NCKAP5: variants seen among roughly 807,000 people sequenced by gnomAD.
The protein encoded by NCKAP5 is nck-associated protein 5.
In NCKAP5, 92 loss-of-function variants were observed where a neutral mutation model predicts 167.0. The ratio of observed to expected loss-of-function variants is 0.55; its 90% CI spans 0.47 to 0.66. NCKAP5 has a LOEUF of 0.66. NCKAP5 is among the 30% of genes least tolerant of loss of function. The pLI is 0.00. For missense variants in NCKAP5, 2,378 were observed against 2,315.0 expected, an observed-to-expected ratio of 1.03 and a Z score of -0.56; for synonymous variants, 891 against 877.4, an observed-to-expected ratio of 1.02 and a Z score of -0.27.
At chr2:132,953,625 G>A (rs957136844) in intron 8 of NCKAP5, among the ~76,000 whole-genome samples, 2 of 151,860 alleles carry the variant, frequency 1.3e-5, no homozygotes, top group Admixed American at 1.3e-4. Context: ...AGAGGAAGGT[G>A]TGCTAGAGAG....
At chr2:133,255,000 T>A (rs1458601006) in intron 4 of NCKAP5, among the ~76,000 whole-genome samples, 5 of 152,092 alleles carry the variant, frequency 3.3e-5, no homozygotes, top group Non-Finnish European at 7.4e-5. Flanking sequence ...TCATTAGCTG[T>A]GTGAAACTGA....
intron 6 of NCKAP5, among the ~76,000 whole-genome samples, chr2:133,066,339 GTCT>G (rs745688711): frequency 1.3e-5 from 2 of 152,054 alleles, no homozygotes; most frequent in East Asian, 1.9e-4. Context: ...TCTAAAACCC[GTCT>G]TCTTTTTTAC....
chr2:133,426,564 A>T (rs561281757), intron 3 of NCKAP5, among the ~76,000 whole-genome samples: 1 of 152,182 alleles, frequency 6.6e-6, no homozygotes, highest in African/African-American at 2.4e-5. Context: ...TCTCTGATGA[A>T]CATGGATGTA....
At chr2:133,339,360 C>T (rs1683424983) in intron 3 of NCKAP5, among the ~76,000 whole-genome samples, 1 of 152,174 alleles carries the variant, frequency 6.6e-6, no homozygotes, top group Admixed American at 6.5e-5. Context: ...AACAGGTCCC[C>T]TGGGCTGTGA....
At chr2:133,271,903 A>G (rs747056358) in intron 4 of NCKAP5, among the ~76,000 whole-genome samples, 19 of 152,192 alleles carry the variant, frequency 1.2e-4, no homozygotes, top group Non-Finnish European at 2.1e-4. Context: ...TCTAACACAC[A>G]TTTTGGAAAA....
chr2:132,966,950 A>G (rs2076687432), intron 7 of NCKAP5, among the ~76,000 whole-genome samples: 1 of 152,190 alleles, frequency 6.6e-6, no homozygotes, highest in Non-Finnish European at 1.5e-5. Context: ...ATTGCATGAA[A>G]GCTAAAACAA....
chr2:133,615,682 AC>A, the NCKAP5 span, among the ~76,000 whole-genome samples: 2 of 152,058 alleles, frequency 1.3e-5, no homozygotes, highest in East Asian at 1.9e-4. Context: ...AGAGACTTAG[AC>A]CCCCACACAT....
intron 11 of NCKAP5, among the ~76,000 whole-genome samples, chr2:132,827,181 G>T (rs1437698093): frequency 1.3e-5 from 2 of 152,086 alleles, no homozygotes; most frequent in African/African-American, 4.8e-5. Context: ...TGTATGACAG[G>T]CCTGACCTCA....
At chr2:132,794,238 A>ATG (rs1558787536) in intron 12 of NCKAP5, among the ~76,000 whole-genome samples, 1 of 51,768 alleles carries the variant, frequency 1.9e-5, no homozygotes, top group East Asian at 5.3e-4. Flanking sequence ...ATATATATAT[A>ATG]TATATATATA....
At position 133,517,519 on chromosome 2, in the gene NCKAP5, C is replaced by A; in HGVS notation, c.8G>T (p.Gly3Val). MEGKRQLEKRDFG... is the reference protein window; with the variant it reads MEVKRQLEKRDFG... ...GTCCCTTTTCTCAAGCTGTCTCTTT[C>A]CCTCCATGGATGAAGTTATTTATTT... is the stretch of plus-strand genomic sequence containing the variant. The change falls in exon 3 of 20, where the codon GGA becomes GTA. Residue 3 changes from glycine (G) to valine (V), a missense_variant. Gly to Val is a moderately radical substitution (Grantham distance 109, BLOSUM62 -3). This residue lies in a region of NCKAP5 where 1,049 missense variants were observed against 1,023.4 expected (regional missense o/e 1.02). Transcript: ENST00000409261. 2 of 1,534,180 alleles carry A rather than the reference C, an allele frequency of 1.3e-6. No individual in the cohort carries two copies. Among genetic ancestry groups the A allele is most frequent in the Middle Eastern group, 1.7e-4 (1 of 5,896 alleles).
At chr2:133,610,509 ATTAG>A in the NCKAP5 span, among the ~76,000 whole-genome samples, 2 of 152,200 alleles carry the variant, frequency 1.3e-5, no homozygotes, top group Non-Finnish European at 2.9e-5. Context: ...GAACATAACA[ATTAG>A]TAGCCTAAGA....
At chr2:133,256,703 C>T (rs899166698) in intron 4 of NCKAP5, among the ~76,000 whole-genome samples, 10 of 152,142 alleles carry the variant, frequency 6.6e-5, no homozygotes, top group Non-Finnish European at 1.5e-4. Flanking sequence ...TTGGTTGTCA[C>T]TCTACAATTA....
intron 3 of NCKAP5, among the ~76,000 whole-genome samples, chr2:133,359,911 AC>A (rs1684984473): frequency 1.3e-5 from 2 of 152,192 alleles, no homozygotes; most frequent in Admixed American, 1.3e-4. Context: ...AATTATACAG[AC>A]TTTTTGGAGG....
At chr2:133,555,644 T>C (rs1435386847) in intron 2 of NCKAP5, among the ~76,000 whole-genome samples, 1 of 152,224 alleles carries the variant, frequency 6.6e-6, no homozygotes. Flanking sequence ...TTGAGTAAAT[T>C]AAAATACCAC....
chr2:133,270,912 A>ATTTTTTT (rs1255134862), intron 4 of NCKAP5, among the ~76,000 whole-genome samples: 20 of 128,988 alleles, frequency 1.6e-4, no homozygotes, highest in African/African-American at 5.6e-4. Context: ...GTTGCTTCAA[A>ATTTTTTT]TTTTTTTTTT....
intron 3 of NCKAP5, among the ~76,000 whole-genome samples, chr2:133,361,261 G>C (rs1685085621): frequency 6.6e-6 from 1 of 152,156 alleles, no homozygotes; most frequent in African/African-American, 2.4e-5. Context: ...CGCCTAAGTA[G>C]CCATGTCCAG....
intron 6 of NCKAP5, among the ~76,000 whole-genome samples, chr2:133,073,732 T>C (rs2080501498): frequency 6.6e-6 from 1 of 152,120 alleles, no homozygotes; most frequent in Non-Finnish European, 1.5e-5. Flanking sequence ...TTTCAACAGC[T>C]CTCGAGTGTG....
chr2:132,791,790 A>G (rs559038320), intron 12 of NCKAP5, among the ~76,000 whole-genome samples: 1 of 152,366 alleles, frequency 6.6e-6, no homozygotes, highest in Non-Finnish European at 1.5e-5. Context: ...ATGATCCTAC[A>G]GTACTTGTGG....
At chr2:132,747,890 T>C (rs927795977) in intron 16 of NCKAP5, among the ~76,000 whole-genome samples, 4 of 152,240 alleles carry the variant, frequency 2.6e-5, no homozygotes, top group Non-Finnish European at 5.9e-5. Context: ...GATTGGGGCC[T>C]GTGCAAACCT....
Sources: gnomAD v4.1 joint callset for allele counts (sites outside exome capture counted in the v4.1 genomes callset) on GRCh38, gnomAD v4.1.1 for gene constraint, gnomAD v4.1.1 regional missense constraint, MANE v1.5 for transcripts, NCBI Gene and HGNC (gene_info 2026-07-23, HGNC 2026-07-21) for gene names.